RPSA2: variants seen among roughly 807,000 people sequenced by gnomAD.
RPSA2 encodes ribosomal protein SA 2.
chr19:23,842,252 A>G, the RPSA2 span, among the ~76,000 whole-genome samples: 1 of 152,210 alleles, frequency 6.6e-6, no homozygotes, highest in Non-Finnish European at 1.5e-5. Flanking sequence ...CTTACTCTGT[A>G]TAATCTAAAT....
At chr19:23,820,748 GATCTTTTTGTCCTTTGCT>G in the RPSA2 span, among the ~76,000 whole-genome samples, 1 of 152,096 alleles carries the variant, frequency 6.6e-6, no homozygotes, top group Non-Finnish European at 1.5e-5. Context: ...TATAAATATT[GATCTTTTTGTCCTTTGCT>G]AGCAAAAGGG....
the RPSA2 span, among the ~76,000 whole-genome samples, chr19:23,835,716 A>G: frequency 1.3e-5 from 2 of 151,798 alleles, no homozygotes; most frequent in African/African-American, 4.8e-5. Context: ...GGCTCACTGT[A>G]GCCTCTGCCT....
chr19:23,863,434 G>A, the RPSA2 span, among the ~76,000 whole-genome samples: 1 of 151,818 alleles, frequency 6.6e-6, no homozygotes, highest in Non-Finnish European at 1.5e-5. Context: ...CATCGTGATA[G>A]GCACCTATAA....
chr19:23,808,857 C>G, the RPSA2 span: 1 of 507,150 alleles, frequency 2.0e-6, no homozygotes, highest in South Asian at 2.1e-5. Context: ...ATGAGAGGCC[C>G]AAATCAAGAA....
At chr19:23,857,258 G>T in the RPSA2 span, among the ~76,000 whole-genome samples, 1 of 152,134 alleles carries the variant, frequency 6.6e-6, no homozygotes, top group Non-Finnish European at 1.5e-5. Flanking sequence ...AGGGTCCTGA[G>T]GTGACGTACA....
chr19:23,777,109 C>T, the RPSA2 span, among the ~76,000 whole-genome samples: 3,328 of 151,988 alleles, frequency 0.022, 128 homozygotes, highest in African/African-American at 0.076. Flanking sequence ...TTATGTTACT[C>T]TCCTCTTATC....
chr19:23,851,618 G>A, the RPSA2 span, among the ~76,000 whole-genome samples: 2 of 152,114 alleles, frequency 1.3e-5, no homozygotes, highest in African/African-American at 2.4e-5. Flanking sequence ...AAAGGTTTGG[G>A]GAAACCCTGT....
the RPSA2 span, among the ~76,000 whole-genome samples, chr19:23,847,882 T>A: frequency 6.6e-6 from 1 of 152,184 alleles, no homozygotes; most frequent in Non-Finnish European, 1.5e-5. Flanking sequence ...TTTAGGGACA[T>A]CTTCCCTACT....
At chr19:23,806,270 C>G in the RPSA2 span, among the ~76,000 whole-genome samples, 148,388 of 151,704 alleles carry the variant, frequency 0.98, 72,665 homozygotes, top group Middle Eastern at 1. Context: ...GTCTCAAACT[C>G]CTGACCACAT....
the RPSA2 span, among the ~76,000 whole-genome samples, chr19:23,861,388 C>G: frequency 6.6e-6 from 1 of 152,142 alleles, no homozygotes; most frequent in Non-Finnish European, 1.5e-5. Flanking sequence ...GAGAGCCCCC[C>G]CACTACCCAC....
At chr19:23,784,059 G>C in the RPSA2 span, among the ~76,000 whole-genome samples, 2 of 152,126 alleles carry the variant, frequency 1.3e-5, no homozygotes, top group Non-Finnish European at 2.9e-5. Flanking sequence ...CCCACAGGTG[G>C]AATTGTGACA....
the RPSA2 span, chr19:23,842,511 G>A: frequency 7.1e-6 from 1 of 140,796 alleles, no homozygotes; most frequent in South Asian, 2.4e-4. Context: ...TTCTGCCCAT[G>A]ACCACTTGCT....
At chr19:23,778,478 T>G in the RPSA2 span, among the ~76,000 whole-genome samples, 2 of 152,074 alleles carry the variant, frequency 1.3e-5, no homozygotes, top group African/African-American at 4.8e-5. Context: ...CCCCCCAGAG[T>G]ACTGGGATTA....
At chr19:23,813,165 G>A in the RPSA2 span, among the ~76,000 whole-genome samples, 6 of 148,518 alleles carry the variant, frequency 4.0e-5, no homozygotes, top group East Asian at 1.2e-3. Flanking sequence ...GCCTGGGACT[G>A]TGAGGCTGCA....
chr19:23,848,495 T>C, the RPSA2 span, among the ~76,000 whole-genome samples: 22 of 6,278 alleles, frequency 3.5e-3, no homozygotes, highest in Non-Finnish European at 0.096. Context: ...TGCCACCTGA[T>C]CTAATGTATA....
chr19:23,766,142 C>CTTTTTTTTTTTTTTT, the RPSA2 span, among the ~76,000 whole-genome samples: 113 of 43,286 alleles, frequency 2.6e-3, 38 homozygotes, highest in African/African-American at 8.2e-3. Context: ...TATTTCATTT[C>CTTTTTTTTTTTTTTT]CTTTTTTTTT....
At chr19:23,850,974 C>T in the RPSA2 span, among the ~76,000 whole-genome samples, 23 of 152,152 alleles carry the variant, frequency 1.5e-4, no homozygotes, top group Non-Finnish European at 2.6e-4. Flanking sequence ...ATGGGAAATT[C>T]CCCATTGTTG....
the RPSA2 span, among the ~76,000 whole-genome samples, chr19:23,805,124 C>T: frequency 0.11 from 19 of 176 alleles, 1 homozygote; most frequent in South Asian, 0.43. Flanking sequence ...ATAAAAAGCA[C>T]ACACACACAC....
chr19:23,835,668 G>A, the RPSA2 span, among the ~76,000 whole-genome samples: 1 of 151,624 alleles, frequency 6.6e-6, no homozygotes, highest in African/African-American at 2.4e-5. Context: ...ATAGAGTCTT[G>A]CTCTGTCTCC....
Sources: gnomAD v4.1 joint callset for allele counts (sites outside exome capture counted in the v4.1 genomes callset) on GRCh38, gnomAD v4.1.1 for gene constraint, MANE v1.5 for transcripts, NCBI Gene and HGNC (gene_info 2026-07-23, HGNC 2026-07-21) for gene names.